LRP2: variants seen among roughly 807,000 people sequenced by gnomAD.
LRP2 encodes LDL receptor related protein 2.
In LRP2, 172 loss-of-function variants were observed where a neutral mutation model predicts 531.0. That is an observed-to-expected ratio of 0.32 (90% CI 0.29 to 0.37). The LOEUF (loss-of-function observed/expected upper bound fraction) is 0.37. LRP2 is among the 10% of genes least tolerant of loss of function. LRP2 has a pLI of 1.00. For missense variants in LRP2, 5,167 were observed against 5,868.3 expected, an observed-to-expected ratio of 0.88 and a Z score of 3.90; for synonymous variants, 1,992 against 2,027.6, an observed-to-expected ratio of 0.98 and a Z score of 0.47.
chr2:169,201,779 AC>A lies in LRP2; in HGVS notation c.8300del (p.Gly2767ValfsTer37). 6.2e-7 allele frequency: 1 copy of A among 1,614,194 alleles called. No homozygotes were observed. The highest frequency in any genetic ancestry group is 8.5e-7 in the Non-Finnish European group (1 of 1,180,032). ...SYRCDYYNDCGDGSDEAGCLF... is the reference protein window; with the variant it reads ...SYRCDYYNDCXDGSDEAGCLF... ...GGCACCCTGCCTCATCACTGCCATCACCACAGTCATTGTAGTAATCACAGCG... is the reference window on the plus strand; with the variant it reads ...GGCACCCTGCCTCATCACTGCCATCACACAGTCATTGTAGTAATCACAGCG... On this transcript the variant is annotated frameshift_variant, in exon 44 of 79. Transcript: ENST00000649046. LOFTEE classifies it high-confidence loss of function.
At chr2:169,162,761 C>G (rs1273840965) in intron 62 of LRP2, among the ~76,000 whole-genome samples, 161 bp from the exon 63 acceptor site, 2 of 152,264 alleles carry the variant, frequency 1.3e-5, no homozygotes, top group Admixed American at 6.5e-5. Context: ...CCAGTTCTAG[C>G]CAACGTACTG....
chr2:169,271,227 A>T, intron 15 of LRP2, 120 bp from the exon 16 acceptor site: 2 of 675,992 alleles, frequency 3.0e-6, no homozygotes, highest in South Asian at 4.1e-5. Context: ...TCTGAAATAA[A>T]TGTAAAAATA....
At chr2:169,217,059 TG>T (rs1468468519) in intron 34 of LRP2, among the ~76,000 whole-genome samples, 1 of 152,138 alleles carries the variant, frequency 6.6e-6, no homozygotes, top group Non-Finnish European at 1.5e-5. Context: ...CAGGTACACA[TG>T]AACCATAATT....
At chr2:169,310,245 A>G (rs1684554874) in intron 3 of LRP2, among the ~76,000 whole-genome samples, 1 of 152,186 alleles carries the variant, frequency 6.6e-6, no homozygotes, top group Non-Finnish European at 1.5e-5. Context: ...CCCTGGCCAG[A>G]ACTTCCAACA....
chr2:169,147,620 CTT>C (rs1685965204), intron 68 of LRP2, among the ~76,000 whole-genome samples: 2 of 152,114 alleles, frequency 1.3e-5, no homozygotes, highest in African/African-American at 4.8e-5. Flanking sequence ...CCCAGCAACT[CTT>C]TTTAAATATG....
At chr2:169,166,174 G>T in intron 61 of LRP2, 120 bp from the exon 62 acceptor site, 1 of 1,002,906 alleles carries the variant, frequency 1.0e-6, no homozygotes, top group Non-Finnish European at 1.5e-6. Flanking sequence ...TTACTCATTT[G>T]ATTAATCAAT....
intron 67 of LRP2, 57 bp from the exon 68 acceptor site, chr2:169,151,083 G>T (rs771530314): frequency 1.1e-5 from 17 of 1,592,122 alleles, no homozygotes; most frequent in Non-Finnish European, 1.3e-5. Context: ...TCATTACTGG[G>T]TAAGAGGTTT....
chr2:169,193,458 A>G (rs959701942), intron 47 of LRP2, among the ~76,000 whole-genome samples: 1 of 150,846 alleles, frequency 6.6e-6, no homozygotes, highest in Admixed American at 6.6e-5. Flanking sequence ...GAAAGAAAAG[A>G]AAAAAGAAAA....
chr2:169,361,330 GTCTCTC>G (rs1405262223), intron 1 of LRP2, among the ~76,000 whole-genome samples: 2 of 32,180 alleles, frequency 6.2e-5, no homozygotes, highest in Non-Finnish European at 1.3e-4. Flanking sequence ...GTCTCTCTCT[GTCTCTC>G]TCTGTCTCTC....
intron 1 of LRP2, among the ~76,000 whole-genome samples, chr2:169,336,924 C>T (rs905896029): frequency 6.6e-6 from 1 of 152,196 alleles, no homozygotes; most frequent in African/African-American, 2.4e-5. Context: ...CAACACTTCA[C>T]AAAGTTTGGT....
At chr2:169,320,738 TA>T (rs755777960) in intron 2 of LRP2, 38 bp downstream of exon 2, 18 of 1,498,070 alleles carry the variant, frequency 1.2e-5, no homozygotes, top group Non-Finnish European at 1.7e-5. Context: ...GCACTTAGGT[TA>T]CTCAAAATAG....
chr2:169,212,312 TAACC>T, intron 36 of LRP2, 105 bp from the exon 37 acceptor site: 1 of 1,429,130 alleles, frequency 7.0e-7, no homozygotes, highest in Non-Finnish European at 9.8e-7. Context: ...TAAAAATTAA[TAACC>T]AACATATAGT....
chr2:169,189,111 G>C (rs1294448161), intron 48 of LRP2, among the ~76,000 whole-genome samples: 1 of 152,138 alleles, frequency 6.6e-6, no homozygotes, highest in Non-Finnish European at 1.5e-5. Context: ...TCCCATAAAA[G>C]TTATGATGTC....
intron 36 of LRP2, among the ~76,000 whole-genome samples, chr2:169,213,273 C>A (rs1213488149): frequency 6.6e-6 from 1 of 152,130 alleles, no homozygotes; most frequent in Non-Finnish European, 1.5e-5. Flanking sequence ...ATGTGCCAAG[C>A]ACTATTCTAA....
At chr2:169,290,117 A>T (rs193200567) in intron 8 of LRP2, among the ~76,000 whole-genome samples, 1 of 152,252 alleles carries the variant, frequency 6.6e-6, no homozygotes, top group East Asian at 1.9e-4. Context: ...TACAGCCCCA[A>T]AAAAGGAGAA....
chr2:169,305,362 T>C (rs1382981958), intron 4 of LRP2, among the ~76,000 whole-genome samples: 1 of 152,184 alleles, frequency 6.6e-6, no homozygotes, highest in Non-Finnish European at 1.5e-5. Context: ...TTGCTTGCCA[T>C]AATCAATGTA....
Position 169,202,834 on chromosome 2 carries a change from G to A in LRP2, c.8131C>T (p.Arg2711Cys), listed in dbSNP as rs760566317. ...CACTTCCACTCTTCCGAGATGCAGCGCCCATTGGAGCAGGTGAAGGAAGAT... is the reference window on the plus strand; with the variant it reads ...CACTTCCACTCTTCCGAGATGCAGCACCCATTGGAGCAGGTGAAGGAAGAT... ...GASSFTCSNG[R>C]CISEEWKCDN... is the part of the protein sequence containing the mutation. The change falls in exon 43 of 79, where the codon CGC (arginine) becomes TGC (cysteine). Residue 2711 changes from arginine to cysteine, a missense_variant. This residue lies in a region of LRP2 where 1,129 missense variants were observed against 1,362.7 expected (regional missense o/e 0.83). Coordinates refer to ENST00000649046, the MANE Select transcript of LRP2 (RefSeq NM_004525.3). The A allele has an allele frequency of 5.0e-6, 8 of 1,614,130 alleles. No individual in the cohort carries two copies. The highest frequency in any genetic ancestry group is 1.7e-5 in the Admixed American group (1 of 60,008).
intron 43 of LRP2, among the ~76,000 whole-genome samples, chr2:169,202,375 C>T (rs1688232036): frequency 6.6e-6 from 1 of 151,992 alleles, no homozygotes; most frequent in Non-Finnish European, 1.5e-5. Context: ...TTCCTTAGTC[C>T]CAAGCTAAGC....
In LRP2 at chr2:169,170,539, A is replaced by T. The variant is rs761657712; in HGVS notation, c.11380+12T>A. 6.2e-6 allele frequency: 10 copies of T among 1,601,370 alleles called. No individual in the cohort carries two copies. The East Asian group carries it at 2.0e-4, about 32-fold the overall frequency. On this transcript the variant is annotated intron_variant, in intron 59 of 78. Transcript: ENST00000649046. Reference sequence around the variant, plus strand: ...ACAAAATTCTATGGTAAGCTTCTCAAATGACAGTTACCACAGTCCCGTTCA... The same window carrying T: ...ACAAAATTCTATGGTAAGCTTCTCATATGACAGTTACCACAGTCCCGTTCA...
Sources: gnomAD v4.1 joint callset for allele counts (sites outside exome capture counted in the v4.1 genomes callset) on GRCh38, gnomAD v4.1.1 for gene constraint, gnomAD v4.1.1 regional missense constraint, MANE v1.5 for transcripts, NCBI Gene and HGNC (gene_info 2026-07-23, HGNC 2026-07-21) for gene names.